The following SH3RF1 variants were observed in gnomAD, a reference collection of about 807,000 sequenced individuals.
The protein encoded by SH3RF1 is E3 ubiquitin-protein ligase SH3RF1.
Under a neutral mutation model 74.0 loss-of-function variants are expected in SH3RF1, and 32 were observed. The ratio of observed to expected loss-of-function variants is 0.43; its 90% confidence interval spans 0.33 to 0.58. SH3RF1 has a LOEUF of 0.58. SH3RF1 is among the 20% of genes least tolerant of loss of function. The pLI is 0.05. For synonymous variants in SH3RF1, 396 were observed against 439.6 expected (o/e 0.90, Z 1.24); for missense variants, 954 against 1,130.9 (o/e 0.84, Z 2.24).
At chr4:169,166,987 G>C (rs1322702896) in intron 2 of SH3RF1, 1 of 224,610 alleles carries the variant, frequency 4.5e-6, no homozygotes, top group Admixed American at 5.5e-5. Context: ...GAAATGACCA[G>C]TGCAAGGTTG....
chr4:169,216,996 CAA>C (rs560262654), intron 2 of SH3RF1, among the ~76,000 whole-genome samples: 117 of 82,648 alleles, frequency 1.4e-3, no homozygotes, highest in Non-Finnish European at 2.1e-3. Context: ...ACAAAAATTA[CAA>C]AAAAAAAAAA....
At chr4:169,118,461 T>C (rs1166242798) in intron 8 of SH3RF1, among the ~76,000 whole-genome samples, 4 of 152,084 alleles carry the variant, frequency 2.6e-5, no homozygotes, top group Admixed American at 1.3e-4. Flanking sequence ...TTATTATTAG[T>C]AGTAGTAGTA....
intron 4 of SH3RF1, among the ~76,000 whole-genome samples, chr4:169,145,946 T>C (rs1239660686): frequency 8.4e-6 from 1 of 118,650 alleles, no homozygotes; most frequent in East Asian, 2.2e-4. Context: ...TTCTATATAT[T>C]ATTCTATATA....
chr4:169,098,864 G>A (rs1413024136), intron 11 of SH3RF1, among the ~76,000 whole-genome samples: 7 of 152,180 alleles, frequency 4.6e-5, no homozygotes, highest in African/African-American at 1.4e-4. Context: ...GATGCTCTTC[G>A]TATGGTGTCT....
rs751691683 is a variant in SH3RF1 at position 169,136,461 on chromosome 4, T to TGA, written c.923_924dup (p.Thr309SerfsTer52). On this transcript the variant is annotated frameshift_variant, in exon 5 of 12. Coordinates refer to ENST00000284637, the MANE Select transcript of SH3RF1 (RefSeq NM_020870.4). LOFTEE classifies it high-confidence loss of function. ...GCCTGGGAGGACTTGTTGGCCATAG[T>TGA]GAGGGAAGTGAAGGAGTGCCGCTTT... 6.2e-7 allele frequency: 1 copy of TGA among 1,612,848 alleles called. No individual in the cohort carries two copies. The highest frequency in any genetic ancestry group is 8.5e-7 in the Non-Finnish European group (1 of 1,179,552).
intron 4 of SH3RF1, among the ~76,000 whole-genome samples, chr4:169,153,024 A>C (rs907060741): frequency 3.9e-5 from 6 of 152,140 alleles, no homozygotes; most frequent in Non-Finnish European, 1.5e-5. Context: ...ACAGGTCCAC[A>C]ATCCTACCCC....
intron 4 of SH3RF1, among the ~76,000 whole-genome samples, chr4:169,153,342 A>G (rs994221891): frequency 6.6e-6 from 1 of 152,182 alleles, no homozygotes; most frequent in African/African-American, 2.4e-5. Context: ...CAAAATACCT[A>G]ACACTGATGG....
intron 2 of SH3RF1, among the ~76,000 whole-genome samples, chr4:169,200,611 A>C (rs2126989904): frequency 6.6e-6 from 1 of 152,336 alleles, no homozygotes; most frequent in East Asian, 1.9e-4. Flanking sequence ...TATACCTTAC[A>C]TAATCTTTCA....
At chr4:169,111,140 A>G (rs1733237565) in intron 10 of SH3RF1, among the ~76,000 whole-genome samples, 1 of 151,616 alleles carries the variant, frequency 6.6e-6, no homozygotes, top group African/African-American at 2.4e-5. Flanking sequence ...TGTCTCTACT[A>G]AAAACACAAA....
At chr4:169,242,348 T>C (rs1579158801) in intron 2 of SH3RF1, among the ~76,000 whole-genome samples, 1 of 152,332 alleles carries the variant, frequency 6.6e-6, no homozygotes, top group South Asian at 2.1e-4. Flanking sequence ...TATCAAGCAA[T>C]GTTTTTAAAA....
intron 6 of SH3RF1, among the ~76,000 whole-genome samples, chr4:169,123,763 G>A (rs1448245934): frequency 6.6e-6 from 1 of 152,032 alleles, no homozygotes; most frequent in Admixed American, 6.6e-5. Flanking sequence ...GTGATGGCGG[G>A]TGCCAGTAGT....
At chr4:169,235,773 C>A (rs1020087806) in intron 2 of SH3RF1, among the ~76,000 whole-genome samples, 1 of 151,946 alleles carries the variant, frequency 6.6e-6, no homozygotes, top group Non-Finnish European at 1.5e-5. Context: ...CTCACTGCAA[C>A]CTCCGCCTCC....
At chr4:169,141,425 G>A (rs928703753) in intron 4 of SH3RF1, among the ~76,000 whole-genome samples, 3 of 152,140 alleles carry the variant, frequency 2.0e-5, no homozygotes, top group Non-Finnish European at 4.4e-5. Flanking sequence ...CATATCCATA[G>A]GGTAAACTCC....
intron 5 of SH3RF1, among the ~76,000 whole-genome samples, chr4:169,131,651 G>A (rs970025875): frequency 2.6e-5 from 4 of 152,314 alleles, no homozygotes; most frequent in South Asian, 4.1e-4. Flanking sequence ...AACTTTCCAC[G>A]CCTAAGTAAC....
intron 2 of SH3RF1, among the ~76,000 whole-genome samples, chr4:169,203,052 T>C (rs905484455): frequency 3.9e-5 from 6 of 152,202 alleles, no homozygotes; most frequent in Non-Finnish European, 7.3e-5. Context: ...TGAGAAGTTC[T>C]GCAGCAAAGA....
At chr4:169,242,259 C>T (rs185310705) in intron 2 of SH3RF1, among the ~76,000 whole-genome samples, 24 of 152,200 alleles carry the variant, frequency 1.6e-4, no homozygotes, top group African/African-American at 5.5e-4. Flanking sequence ...TATAAAACTG[C>T]TTTCACTTGA....
intron 2 of SH3RF1, among the ~76,000 whole-genome samples, chr4:169,164,661 T>A (rs1734206262): frequency 1.3e-5 from 2 of 152,230 alleles, no homozygotes; most frequent in African/African-American, 4.8e-5. Context: ...CAAATTGGTA[T>A]CAACTTCACT....
At chr4:169,131,316 G>A (rs1733615443) in intron 5 of SH3RF1, among the ~76,000 whole-genome samples, 2 of 152,138 alleles carry the variant, frequency 1.3e-5, no homozygotes, top group South Asian at 4.1e-4. Context: ...AAACTAAGTA[G>A]ATCCAGGGGG....
At chr4:169,226,920 A>C (rs917945475) in intron 2 of SH3RF1, among the ~76,000 whole-genome samples, 1 of 152,168 alleles carries the variant, frequency 6.6e-6, no homozygotes, top group Non-Finnish European at 1.5e-5. Context: ...TAATCCCAGC[A>C]CTTTGGTAGG....
Sources: allele counts gnomAD v4.1 joint callset (sites outside exome capture counted in the v4.1 genomes callset), GRCh38; gene constraint gnomAD v4.1.1; transcripts MANE v1.5; gene names NCBI Gene and HGNC (gene_info 2026-07-23, HGNC 2026-07-21).